PDIA5: variants seen among roughly 807,000 people sequenced by gnomAD.
PDIA5 encodes protein disulfide isomerase family A member 5, also known as protein disulfide-isomerase A5.
A neutral mutation model predicts 77.6 loss-of-function variants in PDIA5; 58 were observed. The observed-to-expected ratio is 0.75, with a 90% CI of 0.61 to 0.93. The LOEUF (loss-of-function observed/expected upper bound fraction) is 0.93, where lower values mean the gene tolerates loss of function less well. Among genes scored for constraint, PDIA5 ranks in the 40% least tolerant of loss-of-function variants. PDIA5 has a pLI of 0.00. For synonymous variants in PDIA5, 250 were observed against 252.1 expected (o/e 0.99, Z 0.08); for missense variants, 630 against 647.7 (o/e 0.97, Z 0.30).
chr3:123,079,267 G>A (rs1370559840), intron 1 of PDIA5, among the ~76,000 whole-genome samples: 1 of 134,752 alleles, frequency 7.4e-6, no homozygotes, highest in Non-Finnish European at 1.5e-5. Flanking sequence ...TGCAAGCTCC[G>A]CCTCCTGGGT....
At chr3:123,110,015 A>G (rs1339429563) in intron 6 of PDIA5, among the ~76,000 whole-genome samples, 2 of 152,218 alleles carry the variant, frequency 1.3e-5, no homozygotes, top group Non-Finnish European at 2.9e-5. Context: ...CTTATTATTC[A>G]AAAGAGAAAA....
chr3:123,123,125 A>G (rs1238059461), intron 8 of PDIA5, among the ~76,000 whole-genome samples: 1 of 152,064 alleles, frequency 6.6e-6, no homozygotes, highest in Non-Finnish European at 1.5e-5. Flanking sequence ...AAAGAAAAAT[A>G]TACTAGCCGG....
At chr3:123,161,660 C>T (rs1936161885) in intron 16 of PDIA5, 2 of 658,654 alleles carry the variant, frequency 3.0e-6, no homozygotes, top group African/African-American at 1.8e-5. Flanking sequence ...GATGTCCTGT[C>T]CCCAGAGGCA....
At chr3:123,148,887 A>G (rs1434605094) in intron 13 of PDIA5, among the ~76,000 whole-genome samples, 2 of 152,236 alleles carry the variant, frequency 1.3e-5, no homozygotes, top group African/African-American at 4.8e-5. Flanking sequence ...GTCACCCAGA[A>G]GCAGGGCGAG....
intron 3 of PDIA5, among the ~76,000 whole-genome samples, chr3:123,098,976 T>C (rs1440949571): frequency 6.6e-6 from 1 of 152,250 alleles, no homozygotes; most frequent in Non-Finnish European, 1.5e-5. Flanking sequence ...GTCTCTGAGC[T>C]TAGGTAATTT....
At chr3:123,091,720 C>T (rs190609405) in intron 2 of PDIA5, among the ~76,000 whole-genome samples, 1 of 152,330 alleles carries the variant, frequency 6.6e-6, no homozygotes, top group Non-Finnish European at 1.5e-5. Context: ...CTACCAGGAC[C>T]AGCTCTTGCC....
At chr3:123,072,618 G>A (rs529426531) in intron 1 of PDIA5, among the ~76,000 whole-genome samples, 1 of 152,346 alleles carries the variant, frequency 6.6e-6, no homozygotes, top group South Asian at 2.1e-4. Context: ...CCCAGGTAGG[G>A]GGGGTGGTGC....
chr3:123,068,423 T>A (rs1933636772), intron 1 of PDIA5, among the ~76,000 whole-genome samples: 1 of 152,184 alleles, frequency 6.6e-6, no homozygotes, highest in Admixed American at 6.5e-5. Flanking sequence ...GTGTTCTCCC[T>A]CTTGGGGAGA....
In PDIA5 at chr3:123,106,743, C is replaced by G. The variant is rs78255189; in HGVS notation, c.388-6C>G. On this transcript the variant is annotated splice_polypyrimidine_tract_variant and splice_region_variant and intron_variant, in intron 5 of 16. Transcript: ENST00000316218. Reference sequence around the variant, plus strand: ...TGCATTTTCTCTTCTCTTTTTTTTCCCTCAGTCCATAGTGGCCTTTTTGAA... The same window carrying G: ...TGCATTTTCTCTTCTCTTTTTTTTCGCTCAGTCCATAGTGGCCTTTTTGAA... The G allele has an allele frequency of 6.3e-7, 1 of 1,598,106 alleles. No homozygotes were observed. The highest frequency in any genetic ancestry group is 8.6e-7 in the Non-Finnish European group (1 of 1,167,822).
intron 8 of PDIA5, among the ~76,000 whole-genome samples, 157 bp from the exon 9 acceptor site, chr3:123,123,909 C>T (rs988219444): frequency 6.6e-6 from 1 of 152,208 alleles, no homozygotes; most frequent in African/African-American, 2.4e-5. Flanking sequence ...CGGCTGGCTT[C>T]GCTGGCCTTG....
At chr3:123,161,580 C>A in intron 16 of PDIA5, 125 bp downstream of exon 16, 1 of 1,075,804 alleles carries the variant, frequency 9.3e-7, no homozygotes, top group Non-Finnish European at 1.3e-6. Context: ...AACACTGCAC[C>A]GAGAGGCCCA....
rs940126628 is a variant in PDIA5, at chr3:123,112,371, C to T, written c.541+1367C>T. Among the ~76,000 whole-genome samples the T allele has an allele frequency of 3.3e-5, 5 of 151,930 alleles. No homozygotes were observed. The South Asian group carries it at 1.0e-3, about 32-fold the overall frequency. ...TCTGTTTGCTCATGAAAGCCCATCT[C>T]GAATCCCACTTCCTGAGAAGTTCTT... is the stretch of plus-strand genomic sequence containing the variant. On this transcript the variant is annotated intron_variant, in intron 7 of 16. Coordinates refer to ENST00000316218, the MANE Select transcript of PDIA5 (RefSeq NM_006810.4).
At chr3:123,092,138 A>G (rs911372177) in intron 2 of PDIA5, among the ~76,000 whole-genome samples, 1 of 152,096 alleles carries the variant, frequency 6.6e-6, no homozygotes, top group African/African-American at 2.4e-5. Flanking sequence ...GCCCCTGAGT[A>G]TGGTGGGATC....
intron 1 of PDIA5, among the ~76,000 whole-genome samples, chr3:123,070,749 T>G (rs531251171): frequency 6.6e-6 from 1 of 152,226 alleles, no homozygotes; most frequent in East Asian, 1.9e-4. Flanking sequence ...AGCTGACTCT[T>G]CTCTAGGGCC....
At chr3:123,083,212 T>TGGGGGGG (rs1934056162) in intron 1 of PDIA5, among the ~76,000 whole-genome samples, 1 of 13,798 alleles carries the variant, frequency 7.2e-5, no homozygotes, top group Non-Finnish European at 1.4e-4. Flanking sequence ...GTGCTCGGGG[T>TGGGGGGG]GGGGGAGGGG....
intron 7 of PDIA5, among the ~76,000 whole-genome samples, chr3:123,112,534 CTTTTTT>C (rs55977938): frequency 2.4e-3 from 145 of 61,490 alleles, no homozygotes; most frequent in South Asian, 3.5e-3. Context: ...CAGCCCTATT[CTTTTTT>C]TTTTTTTTTT....
At chr3:123,120,521 C>G (rs144467989) in intron 8 of PDIA5, among the ~76,000 whole-genome samples, 2 of 152,222 alleles carry the variant, frequency 1.3e-5, no homozygotes, top group Non-Finnish European at 2.9e-5. Context: ...CCCAAGGTTC[C>G]GCTTTCCTGT....
At chr3:123,087,062 G>A (rs914487832) in intron 1 of PDIA5, among the ~76,000 whole-genome samples, 1 of 152,212 alleles carries the variant, frequency 6.6e-6, no homozygotes, top group African/African-American at 2.4e-5. Context: ...TTTGTCAGCA[G>A]TGTTCTGAAA....
intron 2 of PDIA5, among the ~76,000 whole-genome samples, chr3:123,091,909 G>A (rs1261045895): frequency 2.0e-5 from 3 of 152,218 alleles, no homozygotes; most frequent in Non-Finnish European, 4.4e-5. Flanking sequence ...CAGCTCCTAG[G>A]TGGGGCATCA....
Sources: gnomAD v4.1 joint callset for allele counts (sites outside exome capture counted in the v4.1 genomes callset) on GRCh38, gnomAD v4.1.1 for gene constraint, MANE v1.5 for transcripts, NCBI Gene and HGNC (gene_info 2026-07-23, HGNC 2026-07-21) for gene names.